PDE6A: variants seen among roughly 807,000 people sequenced by gnomAD.
PDE6A encodes rod cGMP-specific 3',5'-cyclic phosphodiesterase subunit alpha.
PDE6A carries 84 observed loss-of-function variants against 106.3 expected under a neutral mutation model. That is an observed-to-expected ratio of 0.79 (90% CI 0.66 to 0.95). PDE6A has a LOEUF of 0.95. PDE6A is among the 40% of genes least tolerant of loss of function. PDE6A has a pLI of 0.00. For synonymous variants in PDE6A, 394 were observed against 386.6 expected (o/e 1.02, Z -0.23); for missense variants, 1,052 against 1,084.9 (o/e 0.97, Z 0.43).
rs121918577 is a variant in PDE6A, at chr5:149,907,345, G to A, written c.1032C>T (p.Ser344=). 294 of 1,613,828 alleles carry A rather than the reference G, an allele frequency of 1.8e-4. 2 individuals are homozygous for A. The highest frequency in any genetic ancestry group is 1.8e-3 in the South Asian group (162 of 91,076). ...TCTGGGCAACATAAGCTGGGAGACC[G>A]CTTACTAAAGCCCAATGGTCAGGAG... ...NPPPDHWALV[S]GLPAYVAQNG... The change falls in exon 7 of 22, where the codon AGC becomes AGT. Residue 344 remains serine, a synonymous_variant. Coordinates refer to ENST00000255266, the MANE Select transcript of PDE6A (RefSeq NM_000440.3).
At chr5:149,932,623 C>T in intron 3 of PDE6A, 1 of 1,613,278 alleles carries the variant, frequency 6.2e-7, no homozygotes, top group Non-Finnish European at 8.5e-7. Flanking sequence ...TGACTAATGC[C>T]TTCAGTATAT....
chr5:149,896,423 AG>A lies in PDE6A; in HGVS notation c.1552del (p.Leu518TrpfsTer2). 6.2e-7 allele frequency: 1 copy of A among 1,614,154 alleles called. No individual in the cohort carries two copies. Among genetic ancestry groups the A allele is most frequent in the South Asian group, 1.1e-5 (1 of 91,076 alleles). ...FSDLPLTELE[L>X]VKCGIQMYYE... The stretch of plus-strand genomic sequence containing the variant: ...ATACATCTGTATTCCACATTTTACC[AG>A]CTCCAGTTCTGTTAGGGGTAAGTCA... On this transcript the variant is annotated frameshift_variant, in exon 12 of 22. Transcript: ENST00000255266. LOFTEE classifies it high-confidence loss of function.
intron 8 of PDE6A, 53 bp from the exon 9 acceptor site, chr5:149,899,577 A>G: frequency 1.9e-6 from 3 of 1,566,146 alleles, no homozygotes; most frequent in Non-Finnish European, 2.6e-6. Context: ...CACAGAGGCA[A>G]CGATGATAGA....
chr5:149,899,482 G>T lies in PDE6A; in HGVS notation c.1156C>A (p.Leu386Ile). ...TTCTTGTTCACAATCGGCATTGAAA[G>T]CACATTTTTAATCATCCATCCAGAC... Reference protein sequence around the residue: ...DESGWMIKNVLSMPIVNKKEE... With the variant: ...DESGWMIKNVISMPIVNKKEE... Residue 386 changes from leucine (L) to isoleucine (I), a missense_variant, in exon 9 of 22, where the codon CTT becomes ATT. By Grantham distance (5) the Leu-to-Ile change is conservative (BLOSUM62 2). This residue lies in a region of PDE6A where 913 missense variants were observed against 915.2 expected (regional missense o/e 1.00). Coordinates refer to ENST00000255266, the MANE Select transcript of PDE6A (RefSeq NM_000440.3). The T allele has an allele frequency of 6.2e-7, 1 of 1,614,032 alleles. No individual in the cohort carries two copies. The highest frequency in any genetic ancestry group is 1.1e-5 in the South Asian group (1 of 91,078).
intron 5 of PDE6A, among the ~76,000 whole-genome samples, chr5:149,918,975 A>T (rs1753630376): frequency 6.6e-6 from 1 of 152,164 alleles, no homozygotes; most frequent in Non-Finnish European, 1.5e-5. Flanking sequence ...CCCTATAAGC[A>T]GTTCTAGAAA....
rs1189428579 is a variant in PDE6A at position 149,868,117 on chromosome 5, T to C, written c.2177A>G (p.Lys726Arg). Residue 726 changes from lysine to arginine, a missense_variant, in exon 18 of 22, where the codon AAA becomes AGA. Coordinates refer to ENST00000255266, the MANE Select transcript of PDE6A (RefSeq NM_000440.3). ...MTACDLSAIT[K>R]PWEVQSQVAL... ...TACCTGGCTCTGCACCTCCCAGGGT[T>C]TGGTGATGGCTGAGAGATCACAGGC... 2 of 1,614,168 alleles carry C rather than the reference T, an allele frequency of 1.2e-6. No homozygotes were observed. The highest frequency in any genetic ancestry group is 8.5e-7 in the Non-Finnish European group (1 of 1,180,022).
At chr5:149,902,383 C>A (rs1387568420) in intron 8 of PDE6A, among the ~76,000 whole-genome samples, 3 of 152,246 alleles carry the variant, frequency 2.0e-5, no homozygotes, top group Admixed American at 1.3e-4. Context: ...CTCGGTGTCT[C>A]TTTCCCCATG....
intron 17 of PDE6A, among the ~76,000 whole-genome samples, chr5:149,881,668 G>A (rs558816069): frequency 1.8e-4 from 28 of 152,250 alleles, no homozygotes; most frequent in African/African-American, 6.0e-4. Flanking sequence ...CGTGAGGATC[G>A]TTTGTACCCC....
intron 5 of PDE6A, among the ~76,000 whole-genome samples, chr5:149,915,233 A>G (rs1415093612): frequency 1.3e-5 from 2 of 150,670 alleles, no homozygotes; most frequent in Non-Finnish European, 3.0e-5. Context: ...CAGGGTTCCA[A>G]CTCCTGACCC....
chr5:149,933,198 C>A (rs965628964), intron 3 of PDE6A, among the ~76,000 whole-genome samples: 11 of 152,136 alleles, frequency 7.2e-5, no homozygotes, highest in East Asian at 1.9e-4. Flanking sequence ...CCACTTCTGG[C>A]CTCAAGCAAT....
chr5:149,896,814 T>A, intron 10 of PDE6A, 38 bp from the exon 11 acceptor site: 4 of 1,605,798 alleles, frequency 2.5e-6, no homozygotes, highest in Non-Finnish European at 3.4e-6. Context: ...AAAAAATAGG[T>A]TACAACATGC....
At chr5:149,897,952 C>T (rs1203839006) in intron 10 of PDE6A, among the ~76,000 whole-genome samples, 1 of 152,170 alleles carries the variant, frequency 6.6e-6, no homozygotes, top group Non-Finnish European at 1.5e-5. Context: ...TAATTGTCTA[C>T]TGGTCTTCCA....
intron 13 of PDE6A, among the ~76,000 whole-genome samples, chr5:149,890,846 A>T (rs896469732): frequency 5.3e-5 from 8 of 152,222 alleles, no homozygotes; most frequent in Non-Finnish European, 1.0e-4. Context: ...AAAACAAATG[A>T]TTTGGCAGAT....
At position 149,897,987 on chromosome 5, in the gene PDE6A, G is replaced by A. The variant is rs191801354; in HGVS notation, c.1407+376C>T. ...AGATAAAGCTTCCTCTCAGAGTAGG[G>A]GCTATGGCTGGTTGACTCTGTCTCC... On this transcript the variant is annotated intron_variant, in intron 10 of 21. Transcript: ENST00000255266. Among the ~76,000 whole-genome samples, 189 of 152,212 alleles carry A rather than the reference G, an allele frequency of 1.2e-3. 2 individuals are homozygous for A. The highest frequency in any genetic ancestry group is 4.4e-3 in the African/African-American group (184 of 41,530).
chr5:149,914,251 T>G (rs1753481150), intron 6 of PDE6A, among the ~76,000 whole-genome samples: 1 of 152,150 alleles, frequency 6.6e-6, no homozygotes, highest in Non-Finnish European at 1.5e-5. Flanking sequence ...TGGGCCTCAC[T>G]GCTCACCCTC....
At chr5:149,937,056 G>A (rs1754204602) in intron 1 of PDE6A, among the ~76,000 whole-genome samples, 1 of 152,234 alleles carries the variant, frequency 6.6e-6, no homozygotes, top group African/African-American at 2.4e-5. Flanking sequence ...TGAAGGAAAT[G>A]GACTGGATGG....
At chr5:149,919,680 T>C (rs1039780319) in intron 5 of PDE6A, among the ~76,000 whole-genome samples, 3 of 152,174 alleles carry the variant, frequency 2.0e-5, no homozygotes, top group Admixed American at 1.3e-4. Flanking sequence ...CACCAGCCTC[T>C]GGAAAGTCAA....
chr5:149,944,679 G>T lies in PDE6A; in HGVS notation c.-6C>A. 1 of 1,599,394 alleles carries T rather than the reference G, an allele frequency of 6.3e-7. No homozygotes were observed. Among genetic ancestry groups the T allele is most frequent in the Non-Finnish European group, 8.5e-7 (1 of 1,173,158 alleles). On this transcript the variant is annotated 5_prime_UTR_variant, in exon 1 of 22. Transcript: ENST00000255266. ...TCTGCTGTCACCTCGCCCATGGCTG[G>T]GAATCCCACTGGCTACTCTGTAGAA... is the stretch of plus-strand genomic sequence containing the variant.
At chr5:149,909,418 A>G (rs181519526) in intron 6 of PDE6A, among the ~76,000 whole-genome samples, 2 of 152,306 alleles carry the variant, frequency 1.3e-5, no homozygotes, top group Non-Finnish European at 2.9e-5. Flanking sequence ...TTCTGTCAAG[A>G]TGGTTTGCTC....
Sources: gnomAD v4.1 joint callset for allele counts (sites outside exome capture counted in the v4.1 genomes callset) on GRCh38, gnomAD v4.1.1 for gene constraint, gnomAD v4.1.1 regional missense constraint, MANE v1.5 for transcripts, NCBI Gene and HGNC (gene_info 2026-07-23, HGNC 2026-07-21) for gene names.